The following PTPRM variants were observed in gnomAD, a reference collection of about 807,000 sequenced individuals.
The protein encoded by PTPRM is protein tyrosine phosphatase receptor type M, also known as receptor-type tyrosine-protein phosphatase mu.
Under a neutral mutation model 186.7 loss-of-function variants are expected in PTPRM, and 47 were observed. The observed-to-expected ratio is 0.25, with a 90% confidence interval of 0.20 to 0.32. PTPRM has a LOEUF of 0.32. Among genes scored for constraint, PTPRM ranks in the 10% least tolerant of loss-of-function variants. The pLI is 1.00. For missense variants in PTPRM, 1,494 were observed against 1,865.0 expected, an observed-to-expected ratio of 0.80 and a Z score of 3.66; for synonymous variants, 668 against 674.9, an observed-to-expected ratio of 0.99 and a Z score of 0.16.
In PTPRM at chr18:8,054,893, T is replaced by A. The variant is rs1188276032; in HGVS notation, c.1133-14793T>A. 2.0e-5 allele frequency among the ~76,000 whole-genome samples: 3 copies of A among 152,144 alleles called. No homozygotes were observed. In the East Asian group the frequency reaches 5.8e-4, roughly 29 times the overall value. On this transcript the variant is annotated intron_variant, in intron 7 of 32. Transcript: ENST00000580170. ...CTTGATCCTTGAATGATAGTTTTGC[T>A]ACGTATATAGTTCTAAGTTGACATA...
At chr18:7,803,098 G>T (rs2044057147) in intron 2 of PTPRM, among the ~76,000 whole-genome samples, 2 of 152,132 alleles carry the variant, frequency 1.3e-5, no homozygotes, top group South Asian at 4.1e-4. Flanking sequence ...GGGAAAGGAA[G>T]AATGTTCTAG....
intron 4 of PTPRM, among the ~76,000 whole-genome samples, chr18:7,922,967 G>C (rs566661476): frequency 1.3e-5 from 2 of 152,120 alleles, no homozygotes; most frequent in Non-Finnish European, 2.9e-5. Flanking sequence ...CTAATTTTTT[G>C]TTGTGGGGGC....
At chr18:8,225,758 G>A (rs1480460740) in intron 14 of PTPRM, among the ~76,000 whole-genome samples, 2 of 152,110 alleles carry the variant, frequency 1.3e-5, no homozygotes, top group African/African-American at 2.4e-5. Context: ...GGTAGGGAAC[G>A]TCCTAAAATC....
intron 14 of PTPRM, among the ~76,000 whole-genome samples, chr18:8,200,619 C>G (rs2093842554): frequency 2.0e-5 from 3 of 152,240 alleles, no homozygotes; most frequent in African/African-American, 4.8e-5. Flanking sequence ...ATCACTAGTT[C>G]CAGCGGCGAC....
chr18:8,334,674 G>A (rs1032931618), intron 22 of PTPRM, among the ~76,000 whole-genome samples: 12 of 152,220 alleles, frequency 7.9e-5, no homozygotes, highest in African/African-American at 2.4e-4. Context: ...TAATCAATAC[G>A]GACCATCTTT....
Position 7,888,248 on chromosome 18 carries a change from A to G in PTPRM, c.339A>G (p.Leu113=). ...VSSKSNSPPG[L]LNVYVKVNNG... is the part of the protein sequence containing the mutation. ...GCAAGAGTAATTCTCCTCCGGGGTT[A>G]CTCAATGTCTACGTGAAGGTCAATA... The change falls in exon 3 of 33, where the codon TTA becomes TTG. Residue 113 remains leucine (L), a synonymous_variant. Coordinates refer to ENST00000580170, the MANE Select transcript of PTPRM (RefSeq NM_001105244.2). 1 of 1,614,068 alleles carries G rather than the reference A, an allele frequency of 6.2e-7. No homozygotes were observed. The highest frequency in any genetic ancestry group is 8.5e-7 in the Non-Finnish European group (1 of 1,180,014).
chr18:8,355,037 A>G (rs1213041659), intron 23 of PTPRM, among the ~76,000 whole-genome samples: 1 of 152,188 alleles, frequency 6.6e-6, no homozygotes, highest in Non-Finnish European at 1.5e-5. Flanking sequence ...AAAGTGACAG[A>G]GGAAAATCAC....
chr18:8,304,667 T>A (rs1459211270), intron 20 of PTPRM, among the ~76,000 whole-genome samples: 1 of 152,156 alleles, frequency 6.6e-6, no homozygotes, highest in African/African-American at 2.4e-5. Flanking sequence ...TTTCTTTTTC[T>A]CCAATTCATA....
chr18:7,706,449 A>G (rs544089136), intron 1 of PTPRM, among the ~76,000 whole-genome samples: 1 of 151,794 alleles, frequency 6.6e-6, no homozygotes, highest in Non-Finnish European at 1.5e-5. Flanking sequence ...AATAAAAAAA[A>G]TTAGCCAAGA....
At chr18:7,674,907 T>C (rs1157249372) in intron 1 of PTPRM, among the ~76,000 whole-genome samples, 2 of 152,226 alleles carry the variant, frequency 1.3e-5, no homozygotes, top group East Asian at 3.9e-4. Flanking sequence ...AAACATGACT[T>C]TCAGTCCCAG....
intron 20 of PTPRM, among the ~76,000 whole-genome samples, chr18:8,302,110 G>A (rs1210018975): frequency 6.6e-6 from 1 of 152,170 alleles, no homozygotes; most frequent in African/African-American, 2.4e-5. Context: ...GGAGAAGGGG[G>A]TGATGTAAAT....
intron 5 of PTPRM, among the ~76,000 whole-genome samples, chr18:7,928,929 A>T (rs938429713): frequency 6.6e-6 from 1 of 152,222 alleles, no homozygotes; most frequent in African/African-American, 2.4e-5. Context: ...GGTATGGAGA[A>T]AGCTACTTAC....
intron 31 of PTPRM, among the ~76,000 whole-genome samples, chr18:8,388,119 A>G (rs2095789770): frequency 6.6e-6 from 1 of 152,170 alleles, no homozygotes; most frequent in African/African-American, 2.4e-5. Flanking sequence ...AAGCACTTTC[A>G]CCTGCATTTT....
intron 1 of PTPRM, among the ~76,000 whole-genome samples, chr18:7,621,620 T>G (rs1405386544): frequency 6.6e-6 from 1 of 152,230 alleles, no homozygotes; most frequent in Non-Finnish European, 1.5e-5. Context: ...GCTCCATCTA[T>G]ACATCCATCA....
At chr18:7,738,877 C>G (rs1295517161) in intron 1 of PTPRM, among the ~76,000 whole-genome samples, 3 of 152,120 alleles carry the variant, frequency 2.0e-5, no homozygotes, top group Admixed American at 6.6e-5. Context: ...ATTTGCTGAG[C>G]ATACTCAGAT....
At chr18:8,347,285 G>A (rs1417457950) in intron 23 of PTPRM, among the ~76,000 whole-genome samples, 4 of 152,140 alleles carry the variant, frequency 2.6e-5, no homozygotes, top group Non-Finnish European at 5.9e-5. Flanking sequence ...AAAAATAAAG[G>A]CACATGTATT....
chr18:8,211,693 G>A (rs925162414), intron 14 of PTPRM, among the ~76,000 whole-genome samples: 3 of 152,058 alleles, frequency 2.0e-5, no homozygotes, highest in Non-Finnish European at 4.4e-5. Context: ...GTGAGCCACC[G>A]TGCCCAGCCA....
chr18:7,691,817 C>T (rs1180621506), intron 1 of PTPRM, among the ~76,000 whole-genome samples: 1 of 152,042 alleles, frequency 6.6e-6, no homozygotes, highest in Non-Finnish European at 1.5e-5. Context: ...TGCTCGTAGT[C>T]CAAGCTACTC....
chr18:8,328,752 C>T (rs1321240471), intron 22 of PTPRM, among the ~76,000 whole-genome samples: 3 of 152,228 alleles, frequency 2.0e-5, no homozygotes, highest in Non-Finnish European at 2.9e-5. Context: ...ATTTTACCAA[C>T]CATCTGTGGT....
Sources: gnomAD v4.1 joint callset for allele counts (sites outside exome capture counted in the v4.1 genomes callset) on GRCh38, gnomAD v4.1.1 for gene constraint, MANE v1.5 for transcripts, NCBI Gene and HGNC (gene_info 2026-07-23, HGNC 2026-07-21) for gene names.